Variants in CA10 observed in about 807,000 individuals in gnomAD.
CA10 encodes the protein carbonic anhydrase 10 (inactive), also known as carbonic anhydrase-related protein 10.
Under a neutral mutation model 44.2 loss-of-function variants are expected in CA10, and 14 were observed. The observed-to-expected ratio is 0.32, with a 90% CI of 0.21 to 0.50. The LOEUF is 0.50. Ranked by LOEUF, CA10 falls within the 20% of genes least tolerant of loss-of-function variation. CA10 has a pLI of 0.99. For missense variants in CA10, 350 were observed against 409.7 expected, an observed-to-expected ratio of 0.85 and a Z score of 1.26; for synonymous variants, 159 against 141.6, an observed-to-expected ratio of 1.12 and a Z score of -0.87.
At chr17:51,803,645 G>C (rs1331175079) in intron 3 of CA10, among the ~76,000 whole-genome samples, 2 of 152,218 alleles carry the variant, frequency 1.3e-5, no homozygotes, top group Non-Finnish European at 2.9e-5. Flanking sequence ...GCTTTAGTCA[G>C]TTTAGGAGCA....
chr17:51,938,024 A>G (rs1358877358), intron 2 of CA10, among the ~76,000 whole-genome samples: 2 of 152,146 alleles, frequency 1.3e-5, no homozygotes, highest in Non-Finnish European at 2.9e-5. Context: ...TGCATCTTCC[A>G]TCTTCTCACT....
intron 4 of CA10, among the ~76,000 whole-genome samples, chr17:51,696,562 AT>A (rs1189923193): frequency 2.0e-5 from 3 of 151,730 alleles, no homozygotes; most frequent in African/African-American, 7.3e-5. Flanking sequence ...CTTTGTATGG[AT>A]TTTTGGGTTG....
chr17:51,824,940 C>T (rs190278583), intron 3 of CA10, among the ~76,000 whole-genome samples: 10 of 152,314 alleles, frequency 6.6e-5, no homozygotes, highest in Non-Finnish European at 1.0e-4. Context: ...GCTGGCTAGC[C>T]GCTGGTTCGG....
intron 2 of CA10, among the ~76,000 whole-genome samples, chr17:52,017,374 G>T (rs1009950104): frequency 3.3e-5 from 5 of 152,146 alleles, no homozygotes; most frequent in Admixed American, 2.0e-4. Flanking sequence ...GGCAGTGAAG[G>T]CCAGGCTAAT....
intron 4 of CA10, among the ~76,000 whole-genome samples, chr17:51,684,560 G>T (rs755439121): frequency 6.6e-5 from 10 of 152,188 alleles, no homozygotes; most frequent in Non-Finnish European, 1.3e-4. Context: ...TGGTTGAAAG[G>T]CATAGCTTAC....
chr17:51,816,934 T>G (rs1329406840), intron 3 of CA10, among the ~76,000 whole-genome samples: 1 of 152,200 alleles, frequency 6.6e-6, no homozygotes, highest in Non-Finnish European at 1.5e-5. Context: ...ACCAAAGTCC[T>G]GTCATCCCAC....
At position 51,807,875 on chromosome 17, in the gene CA10, C is replaced by T. The variant is rs113362259; in HGVS notation, c.280-60057G>A. Among the ~76,000 whole-genome samples, 793 of 152,236 alleles carry T rather than the reference C, an allele frequency of 5.2e-3. 9 individuals are homozygous for T. The highest frequency in any genetic ancestry group is 0.018 in the African/African-American group (750 of 41,514). On this transcript the variant is annotated intron_variant, in intron 3 of 8. Transcript: ENST00000451037. ...TGGCTGATGGGGAACATTAGTGGAA[C>T]CTTGCAGGGTGCTGGGAATGTTCTG...
chr17:51,635,370 G>A (rs966639940), intron 7 of CA10, among the ~76,000 whole-genome samples: 3 of 152,040 alleles, frequency 2.0e-5, no homozygotes, highest in Non-Finnish European at 2.9e-5. Flanking sequence ...AAAATTAGCC[G>A]GGCGTGGTGG....
intron 1 of CA10, among the ~76,000 whole-genome samples, chr17:52,100,019 C>T (rs542792426): frequency 1.1e-4 from 17 of 151,842 alleles, no homozygotes; most frequent in Admixed American, 3.3e-4. Context: ...TCAGAAAGGA[C>T]GTAAAAATAA....
chr17:52,123,618 A>C (rs1444629091), intron 1 of CA10, among the ~76,000 whole-genome samples: 1 of 152,168 alleles, frequency 6.6e-6, no homozygotes, highest in Non-Finnish European at 1.5e-5. Context: ...CAAGGGACCC[A>C]AAGCCATTGA....
intron 4 of CA10, among the ~76,000 whole-genome samples, chr17:51,738,584 C>G (rs972462774): frequency 2.6e-5 from 4 of 152,272 alleles, no homozygotes; most frequent in African/African-American, 7.2e-5. Context: ...ATGGCTCGCT[C>G]TCACATTGGT....
chr17:51,867,486 C>T (rs141549091), intron 3 of CA10, among the ~76,000 whole-genome samples: 37 of 152,300 alleles, frequency 2.4e-4, no homozygotes, highest in Non-Finnish European at 4.4e-4. Flanking sequence ...CTTTAAGTCT[C>T]AGTCTCCTCT....
At chr17:51,938,300 C>T (rs759144682) in intron 2 of CA10, among the ~76,000 whole-genome samples, 5 of 152,076 alleles carry the variant, frequency 3.3e-5, no homozygotes, top group Non-Finnish European at 5.9e-5. Flanking sequence ...ACAGCATGAA[C>T]CACAGTGTGA....
intron 3 of CA10, among the ~76,000 whole-genome samples, chr17:51,858,451 A>G (rs1292986958): frequency 1.3e-5 from 2 of 152,178 alleles, no homozygotes; most frequent in Middle Eastern, 3.2e-3. Context: ...TTCAAGCAAC[A>G]AAACAGTCAG....
intron 4 of CA10, among the ~76,000 whole-genome samples, chr17:51,700,709 G>A (rs556393117): frequency 6.6e-5 from 10 of 152,180 alleles, no homozygotes; most frequent in South Asian, 2.1e-4. Flanking sequence ...AGCACTTACC[G>A]TCGCCTAACA....
At chr17:51,717,685 G>GTGTATA (rs1916175371) in intron 4 of CA10, among the ~76,000 whole-genome samples, 10 of 39,210 alleles carry the variant, frequency 2.6e-4, no homozygotes, top group Non-Finnish European at 4.6e-4. Context: ...ATGTATATAT[G>GTGTATA]TATACATATA....
At chr17:51,995,886 C>T (rs144674871) in intron 2 of CA10, among the ~76,000 whole-genome samples, 1 of 152,208 alleles carries the variant, frequency 6.6e-6, no homozygotes, top group East Asian at 1.9e-4. Flanking sequence ...CATTTTTCTC[C>T]TTCTTGAAAT....
intron 2 of CA10, among the ~76,000 whole-genome samples, chr17:52,035,903 T>C (rs914733309): frequency 2.0e-5 from 3 of 152,320 alleles, no homozygotes; most frequent in Middle Eastern, 3.4e-3. Context: ...AACTTTTCCA[T>C]AGAAAAACAG....
chr17:51,773,406 G>T (rs1905686816), intron 3 of CA10, among the ~76,000 whole-genome samples: 1 of 152,212 alleles, frequency 6.6e-6, no homozygotes, highest in African/African-American at 2.4e-5. Flanking sequence ...TTGTGGGCTA[G>T]TCATCTCCTG....
Sources: gnomAD v4.1 joint callset for allele counts (sites outside exome capture counted in the v4.1 genomes callset) on GRCh38, gnomAD v4.1.1 for gene constraint, MANE v1.5 for transcripts, NCBI Gene and HGNC (gene_info 2026-07-23, HGNC 2026-07-21) for gene names.